The following USH2A variants were observed in gnomAD, a reference collection of about 807,000 sequenced individuals.
USH2A encodes Usher syndrome 2A (autosomal recessive, mild).
A neutral mutation model predicts 538.9 loss-of-function variants in USH2A; 443 were observed. The observed-to-expected ratio is 0.82, with a 90% confidence interval of 0.76 to 0.89. The LOEUF (loss-of-function observed/expected upper bound fraction) is 0.89. Ranked by LOEUF, USH2A falls within the 40% of genes least tolerant of loss-of-function variation. USH2A has a pLI of 0.00. For missense variants in USH2A, 6,633 were observed against 6,324.8 expected (o/e 1.05, Z -1.65); for synonymous variants, 2,413 against 2,273.5 (o/e 1.06, Z -1.75).
At chr1:216,148,231 A>C (rs2033753652) in intron 21 of USH2A, among the ~76,000 whole-genome samples, 1 of 150,514 alleles carries the variant, frequency 6.6e-6, no homozygotes, top group Admixed American at 6.6e-5. Flanking sequence ...AAACTCCCCA[A>C]CTCTGGTGCC....
intron 32 of USH2A, among the ~76,000 whole-genome samples, chr1:216,017,014 T>A (rs752089901): frequency 2.0e-5 from 3 of 152,176 alleles, no homozygotes; most frequent in Non-Finnish European, 4.4e-5. Flanking sequence ...ACAGCATTCT[T>A]AGCTAGCTGC....
intron 63 of USH2A, 46 bp downstream of exon 63, chr1:215,674,054 G>A (rs778632679): frequency 1.4e-5 from 22 of 1,613,290 alleles, no homozygotes; most frequent in Non-Finnish European, 1.7e-5. Flanking sequence ...GCAATAGAAA[G>A]GTCAGCAGTG....
chr1:215,697,876 A>G (rs1422645693), intron 61 of USH2A, among the ~76,000 whole-genome samples: 1 of 152,128 alleles, frequency 6.6e-6, no homozygotes, highest in African/African-American at 2.4e-5. Flanking sequence ...TGTGCAGAAC[A>G]TGCAGGTTTG....
chr1:215,990,681 T>G (rs1667982019), intron 35 of USH2A, among the ~76,000 whole-genome samples: 1 of 151,824 alleles, frequency 6.6e-6, no homozygotes, highest in South Asian at 2.1e-4. Context: ...ATAAGAGGCC[T>G]ACGGTTAGCC....
In USH2A at chr1:215,625,349, A is replaced by G; in HGVS notation, c.*432T>C. ...TAACTATTCTTGCAGGATTGTGTCA[A>G]CCCTGACAGAAATGGCAGATAGAAA... On this transcript the variant is annotated 3_prime_UTR_variant, in exon 72 of 72. Coordinates refer to ENST00000307340, the MANE Select transcript of USH2A (RefSeq NM_206933.4). The G allele has an allele frequency of 8.1e-6, 2 of 245,622 alleles. No individual in the cohort carries two copies. The highest frequency in any genetic ancestry group is 5.3e-5 in the South Asian group (1 of 18,782). The allele number at this position is 245,622 out of a possible 1,614,324, so 15.2% of individuals were successfully genotyped here. A position where few individuals can be genotyped will look rare whatever the true frequency, so the allele number is the denominator to read the frequency against.
At chr1:215,980,506 A>T (rs1007151150) in intron 35 of USH2A, among the ~76,000 whole-genome samples, 15 of 152,156 alleles carry the variant, frequency 9.9e-5, no homozygotes, top group African/African-American at 3.1e-4. Context: ...GCAAAAGGCC[A>T]TGTAACCATC....
chr1:216,211,003 TGGGGTGGTGG>T (rs1022503154), intron 15 of USH2A, among the ~76,000 whole-genome samples: 40 of 72,054 alleles, frequency 5.6e-4, no homozygotes, highest in Admixed American at 2.4e-3. Context: ...AAAGGGTGTT[TGGGGTGGTGG>T]GGGGTGGTGG....
intron 12 of USH2A, among the ~76,000 whole-genome samples, chr1:216,250,266 C>G (rs1008934142): frequency 3.9e-5 from 6 of 152,016 alleles, no homozygotes; most frequent in African/African-American, 1.5e-4. Flanking sequence ...AAAAGCACGT[C>G]TTGTATAAAA....
At chr1:216,211,937 T>C (rs2035249793) in intron 15 of USH2A, among the ~76,000 whole-genome samples, 1 of 152,112 alleles carries the variant, frequency 6.6e-6, no homozygotes, top group Non-Finnish European at 1.5e-5. Flanking sequence ...TCAAAGAACC[T>C]TGCAATTCAT....
chr1:215,826,621 C>T (rs1663164013), intron 47 of USH2A, among the ~76,000 whole-genome samples: 1 of 152,190 alleles, frequency 6.6e-6, no homozygotes. Flanking sequence ...TCTTAATTAT[C>T]AAAGTGAGAC....
chr1:215,767,651 C>T (rs548718546), intron 55 of USH2A, among the ~76,000 whole-genome samples: 6 of 152,284 alleles, frequency 3.9e-5, no homozygotes, highest in East Asian at 3.9e-4. Flanking sequence ...TGTTAGATTT[C>T]GCTGCTCTGT....
At chr1:215,870,483 G>C (rs2102443865) in intron 43 of USH2A, among the ~76,000 whole-genome samples, 1 of 144,330 alleles carries the variant, frequency 6.9e-6, no homozygotes, top group East Asian at 2.1e-4. Flanking sequence ...TTTTAGTAGA[G>C]ACGGGGTTTC....
intron 35 of USH2A, among the ~76,000 whole-genome samples, chr1:215,992,014 T>C (rs1252263973): frequency 2.0e-5 from 3 of 152,222 alleles, no homozygotes; most frequent in Non-Finnish European, 4.4e-5. Context: ...AATAATTCAC[T>C]CTGATTATTA....
intron 3 of USH2A, among the ~76,000 whole-genome samples, chr1:216,390,649 A>G (rs2039090861): frequency 6.6e-6 from 1 of 152,198 alleles, no homozygotes; most frequent in Non-Finnish European, 1.5e-5. Flanking sequence ...TTTGAAGATA[A>G]CTGATGGACC....
chr1:215,834,887 TA>T (rs1663432324), intron 47 of USH2A, among the ~76,000 whole-genome samples: 1 of 151,928 alleles, frequency 6.6e-6, no homozygotes, highest in African/African-American at 2.4e-5. Flanking sequence ...CTCTCTCTTT[TA>T]AATCTTTGTG....
chr1:216,169,051 C>T (rs1484397941), intron 21 of USH2A, among the ~76,000 whole-genome samples: 1 of 152,064 alleles, frequency 6.6e-6, no homozygotes, highest in Non-Finnish European at 1.5e-5. Flanking sequence ...ATTGCAATTC[C>T]CCTGTCTTGA....
chr1:216,073,392 A>AG (rs1178189062), intron 27 of USH2A, 92 bp from the exon 28 acceptor site: 2 of 1,370,016 alleles, frequency 1.5e-6, no homozygotes, highest in South Asian at 1.2e-5. Flanking sequence ...ATTTTGAGGA[A>AG]GGGGGGTGGT....
chr1:216,114,395 G>A (rs1177230566), intron 21 of USH2A, among the ~76,000 whole-genome samples: 1 of 151,944 alleles, frequency 6.6e-6, no homozygotes, highest in Non-Finnish European at 1.5e-5. Context: ...TAACAGTGGA[G>A]GTGATAAGCA....
chr1:216,027,623 C>T (rs1669001039), intron 32 of USH2A, among the ~76,000 whole-genome samples: 1 of 152,062 alleles, frequency 6.6e-6, no homozygotes, highest in Non-Finnish European at 1.5e-5. Flanking sequence ...AAGAAATGGC[C>T]CCCTCTTTAT....
Sources: gnomAD v4.1 joint callset for allele counts (sites outside exome capture counted in the v4.1 genomes callset) on GRCh38, gnomAD v4.1.1 for gene constraint, MANE v1.5 for transcripts, NCBI Gene and HGNC (gene_info 2026-07-23, HGNC 2026-07-21) for gene names.